Variants in ATG7 observed in about 807,000 individuals in gnomAD.
The protein encoded by ATG7 is ubiquitin-like modifier-activating enzyme ATG7.
In ATG7, 70 loss-of-function variants were observed where a neutral mutation model predicts 82.4. The ratio of observed to expected loss-of-function variants is 0.85; its 90% confidence interval spans 0.70 to 1.04. The LOEUF is 1.04. Among genes scored for constraint, ATG7 ranks in the 50% least tolerant of loss-of-function variants. The pLI, the probability that ATG7 is intolerant of heterozygous loss-of-function variation, is 0.00. For missense variants in ATG7, 792 were observed against 864.3 expected (o/e 0.92, Z 1.05); for synonymous variants, 287 against 313.0 (o/e 0.92, Z 0.88).
chr3:11,527,071 G>GTA (rs59492212), intron 20 of ATG7, among the ~76,000 whole-genome samples: 3,602 of 127,334 alleles, frequency 0.028, 65 homozygotes, highest in Middle Eastern at 0.06. Context: ...GTGTGTGTGT[G>GTA]TATATATATA....
intron 18 of ATG7, among the ~76,000 whole-genome samples, chr3:11,378,261 C>T (rs918812227): frequency 1.3e-5 from 2 of 150,268 alleles, no homozygotes; most frequent in African/African-American, 4.9e-5. Flanking sequence ...AGGTGATCTG[C>T]CCGCCTCAGC....
At chr3:11,316,009 GT>G (rs1036312109) in intron 9 of ATG7, among the ~76,000 whole-genome samples, 1 of 152,178 alleles carries the variant, frequency 6.6e-6, no homozygotes, top group Non-Finnish European at 1.5e-5. Context: ...GTGAGCCACT[GT>G]GCCCAGCCAA....
intron 18 of ATG7, among the ~76,000 whole-genome samples, chr3:11,368,654 C>T (rs922343470): frequency 2.9e-5 from 4 of 139,918 alleles, no homozygotes; most frequent in South Asian, 2.2e-4. Context: ...TGTGGTGGCA[C>T]GCACCTGTGG....
downstream of ATG7, among the ~76,000 whole-genome samples, chr3:11,560,261 C>G (rs539131099): frequency 2.0e-5 from 3 of 152,312 alleles, no homozygotes; most frequent in Non-Finnish European, 4.4e-5. Flanking sequence ...ATGTCTGGCC[C>G]CCCAGCTTTG....
At chr3:11,320,407 C>T (rs1268067396) in intron 9 of ATG7, among the ~76,000 whole-genome samples, 2 of 152,098 alleles carry the variant, frequency 1.3e-5, no homozygotes, top group African/African-American at 2.4e-5. Context: ...CCTGCCTCAG[C>T]CTCCTGAGTA....
Position 11,506,569 on chromosome 3 carries a change from A to C in ATG7, c.2080-48242A>C, listed in dbSNP as rs1156578228. Among the ~76,000 whole-genome samples the C allele has an allele frequency of 6.1e-4, 80 of 132,016 alleles. 1 individual carries two copies. Among genetic ancestry groups the C allele is most frequent in the African/African-American group, 2.0e-3 (68 of 33,842 alleles). 86.6% of individuals were successfully genotyped at this position (132,016 alleles called of 152,430 possible). On this transcript the variant is annotated intron_variant, in intron 20 of 20. Coordinates refer to ENST00000693202, the MANE Select transcript of ATG7 (RefSeq NM_001349232.2). ...CCCATCTCTACAAAAAAAAAAAAAA[A>C]AAAAAAAAAAAAAAACCCAAAAATT...
chr3:11,409,205 T>A (rs2080653247), intron 19 of ATG7, among the ~76,000 whole-genome samples: 1 of 152,232 alleles, frequency 6.6e-6, no homozygotes. Flanking sequence ...TAGTTTGACT[T>A]ACAATTTTTC....
At chr3:11,342,059 A>C in intron 12 of ATG7, 76 bp from the exon 13 acceptor site, 1 of 1,439,874 alleles carries the variant, frequency 6.9e-7, no homozygotes, top group Admixed American at 2.4e-5. Flanking sequence ...ATTTTCTTGC[A>C]TAGCCACTTG....
chr3:11,560,067 C>T (rs1003709125), downstream of ATG7, among the ~76,000 whole-genome samples: 22 of 152,248 alleles, frequency 1.4e-4, no homozygotes, highest in African/African-American at 4.8e-4. Context: ...CCCCCACCCC[C>T]ACGCTGTCTG....
At chr3:11,444,067 A>G (rs1392643432) in intron 20 of ATG7, among the ~76,000 whole-genome samples, 1 of 152,202 alleles carries the variant, frequency 6.6e-6, no homozygotes, top group Admixed American at 6.5e-5. Context: ...TTTTTCAAAC[A>G]GAATTATGCT....
chr3:11,316,994 C>T (rs758448779), intron 9 of ATG7, among the ~76,000 whole-genome samples: 4 of 151,980 alleles, frequency 2.6e-5, no homozygotes, highest in Admixed American at 2.6e-4. Flanking sequence ...TCAGAGGAAG[C>T]CCACCTCCCC....
At position 11,426,764 on chromosome 3, in the gene ATG7, G is replaced by A. The variant is rs1458175426; in HGVS notation, c.1957-40G>A. 2.0e-6 allele frequency: 3 copies of A among 1,511,702 alleles called. No individual in the cohort carries two copies. In the South Asian group the frequency reaches 3.9e-5, roughly 20 times the overall value. The allele number at this position is 1,511,702 out of a possible 1,614,324, so 93.6% of individuals were successfully genotyped here. A position where few individuals can be genotyped will look rare whatever the true frequency, so the allele number is the denominator to read the frequency against. On this transcript the variant is annotated intron_variant, in intron 19 of 20. Transcript: ENST00000693202. ...GAAAGTCTTTTAATTTGCATTTTAA[G>A]TCTGGAGACTCCTTTTTAAAAAATG... is the stretch of plus-strand genomic sequence containing the variant.
In ATG7 at chr3:11,440,883, C is replaced by T. The variant is rs2083875815; in HGVS notation, c.2079+13957C>T. On this transcript the variant is annotated intron_variant, in intron 20 of 20. Transcript: ENST00000693202. ...ATTTTTAGTAGAGATGGGGTTTTGC[C>T]ATGCTGGTTAGGCTGGTCTCAAACT... 2.6e-5 allele frequency among the ~76,000 whole-genome samples: 4 copies of T among 151,288 alleles called. No homozygotes were observed. In the South Asian group the frequency reaches 8.4e-4, roughly 32 times the overall value.
chr3:11,393,953 T>C (rs549622777), intron 19 of ATG7, among the ~76,000 whole-genome samples: 43 of 152,172 alleles, frequency 2.8e-4, no homozygotes, highest in Non-Finnish European at 5.6e-4. Flanking sequence ...AGTGCTGGGA[T>C]TACAGGCATA....
chr3:11,512,913 C>T (rs1043169202), intron 20 of ATG7, among the ~76,000 whole-genome samples: 9 of 152,128 alleles, frequency 5.9e-5, no homozygotes. Flanking sequence ...TTTACAATCC[C>T]TGAGCTAGAC....
chr3:11,442,539 T>G lies in ATG7; in HGVS notation c.2079+15613T>G, dbSNP rs1244353547. Among the ~76,000 whole-genome samples the G allele has an allele frequency of 3.3e-5, 5 of 151,964 alleles. No individual in the cohort carries two copies. In the East Asian group the frequency reaches 9.6e-4, roughly 29 times the overall value. Reference sequence around the variant, plus strand: ...TAGCCATTAAAATTTTAATGTGTATTAAATGGATATTATTAGACTGTCAAA... The same window carrying G: ...TAGCCATTAAAATTTTAATGTGTATGAAATGGATATTATTAGACTGTCAAA... On this transcript the variant is annotated intron_variant, in intron 20 of 20. Transcript: ENST00000693202.
intron 19 of ATG7, among the ~76,000 whole-genome samples, chr3:11,412,782 A>G (rs2081032720): frequency 6.6e-6 from 1 of 152,148 alleles, no homozygotes; most frequent in South Asian, 2.1e-4. Context: ...GTAGGATCTT[A>G]ACAATACTAA....
At chr3:11,379,226 G>A (rs771640405) in intron 18 of ATG7, among the ~76,000 whole-genome samples, 10 of 152,252 alleles carry the variant, frequency 6.6e-5, no homozygotes, top group Middle Eastern at 6.8e-3. Flanking sequence ...CCTATGGAGA[G>A]TTTAGAGATG....
At chr3:11,528,662 C>A (rs1448184701) in intron 20 of ATG7, among the ~76,000 whole-genome samples, 2 of 151,818 alleles carry the variant, frequency 1.3e-5, no homozygotes, top group Non-Finnish European at 2.9e-5. Flanking sequence ...CCCATCTCTA[C>A]TAAAAATACA....
Sources: gnomAD v4.1 joint callset for allele counts (sites outside exome capture counted in the v4.1 genomes callset) on GRCh38, gnomAD v4.1.1 for gene constraint, MANE v1.5 for transcripts, NCBI Gene and HGNC (gene_info 2026-07-23, HGNC 2026-07-21) for gene names.